Variants in ADAMTSL3 observed in about 807,000 individuals in gnomAD.
The protein encoded by ADAMTSL3 is ADAMTS like 3.
A neutral mutation model predicts 201.7 loss-of-function variants in ADAMTSL3; 128 were observed. The observed-to-expected ratio is 0.63, with a 90% CI of 0.55 to 0.73. ADAMTSL3 has a LOEUF of 0.73. Among genes scored for constraint, ADAMTSL3 ranks in the 30% least tolerant of loss-of-function variants. ADAMTSL3 has a pLI of 0.00. For missense variants in ADAMTSL3, 1,990 were observed against 2,119.6 expected (o/e 0.94, Z 1.20); for synonymous variants, 738 against 748.4 (o/e 0.99, Z 0.23).
chr15:83,872,229 C>T (rs1172635154), intron 9 of ADAMTSL3, among the ~76,000 whole-genome samples: 5 of 151,572 alleles, frequency 3.3e-5, no homozygotes, highest in Non-Finnish European at 5.9e-5. Context: ...TTGCATTTTA[C>T]AATAGCAATA....
At chr15:83,903,521 TGGCAGGGGAGTG>T (rs1246928408) in intron 15 of ADAMTSL3, among the ~76,000 whole-genome samples, 3 of 152,176 alleles carry the variant, frequency 2.0e-5, no homozygotes, top group Admixed American at 6.5e-5. Flanking sequence ...CAGGTAACTT[TGGCAGGGGAGTG>T]GGCATATCCA....
In ADAMTSL3 at chr15:83,819,973, C is replaced by G; in HGVS notation, c.526C>G (p.Leu176Val). 6.2e-7 allele frequency: 1 copy of G among 1,614,126 alleles called. No homozygotes were observed. The highest frequency in any genetic ancestry group is 1.3e-5 in the African/African-American group (1 of 75,012). ...HAQGQNLVVE[L>V]APKVLDGTRC... ...ACAAGGACAAAACTTGGTGGTGGAG[C>G]TGGCACCTAAGGTACTGGATGGAAC... Residue 176 changes from leucine to valine, a missense_variant, in exon 6 of 30, where the codon CTG (leucine) becomes GTG (valine). Transcript: ENST00000286744.
chr15:83,723,840 A>G (rs188775478), intron 3 of ADAMTSL3, among the ~76,000 whole-genome samples: 1 of 152,294 alleles, frequency 6.6e-6, no homozygotes, highest in African/African-American at 2.4e-5. Flanking sequence ...AAATGAGCAT[A>G]TAATACTTTG....
At chr15:83,773,405 A>T in intron 3 of ADAMTSL3, 118 bp from the exon 4 acceptor site, 1 of 1,166,276 alleles carries the variant, frequency 8.6e-7, no homozygotes, top group Non-Finnish European at 1.2e-6. Flanking sequence ...GCTCTGTCTC[A>T]ATTAAAAAAA....
intron 13 of ADAMTSL3, 50 bp from the exon 14 acceptor site, chr15:83,897,808 T>C: frequency 6.5e-7 from 1 of 1,531,060 alleles, no homozygotes; most frequent in Non-Finnish European, 8.8e-7. Context: ...AATAATGCCT[T>C]TGTGGTTCTC....
intron 3 of ADAMTSL3, among the ~76,000 whole-genome samples, chr15:83,742,597 C>T (rs57921785): frequency 0.12 from 17,608 of 152,118 alleles, 1,149 homozygotes; most frequent in East Asian, 0.28. Flanking sequence ...TGAGGAAATA[C>T]AGGTTCACAA....
chr15:83,912,241 C>T (rs932403343), intron 15 of ADAMTSL3, among the ~76,000 whole-genome samples: 14 of 152,144 alleles, frequency 9.2e-5, no homozygotes, highest in Non-Finnish European at 1.3e-4. Flanking sequence ...ATATTCAGTT[C>T]TGTTGTAGCA....
chr15:83,842,058 C>T (rs1345139319), intron 7 of ADAMTSL3, among the ~76,000 whole-genome samples: 2 of 151,470 alleles, frequency 1.3e-5, no homozygotes, highest in Non-Finnish European at 2.9e-5. Context: ...CCCCATCCCC[C>T]TTCTGCCTTC....
intron 16 of ADAMTSL3, among the ~76,000 whole-genome samples, chr15:83,923,617 G>A (rs890597959): frequency 2.6e-5 from 4 of 152,208 alleles, no homozygotes; most frequent in African/African-American, 9.6e-5. Flanking sequence ...AAGTCCAAGG[G>A]TGGATGGGGA....
chr15:83,734,010 G>A (rs1315372364), intron 3 of ADAMTSL3, among the ~76,000 whole-genome samples: 1 of 152,116 alleles, frequency 6.6e-6, no homozygotes, highest in Non-Finnish European at 1.5e-5. Flanking sequence ...AGACAGGAGG[G>A]AAGCGTGGTG....
intron 16 of ADAMTSL3, 111 bp downstream of exon 16, chr15:83,913,489 G>T (rs2065972691): frequency 3.7e-6 from 4 of 1,084,148 alleles, no homozygotes; most frequent in Non-Finnish European, 5.2e-6. Context: ...TAAAGGAGGT[G>T]AAGTCATTCA....
intron 2 of ADAMTSL3, among the ~76,000 whole-genome samples, chr15:83,675,567 G>T (rs1215530445): frequency 6.7e-6 from 1 of 149,100 alleles, no homozygotes; most frequent in Non-Finnish European, 1.5e-5. Flanking sequence ...ATTCATGAGA[G>T]ATATTCACGT....
chr15:83,787,381 G>T (rs529602628), intron 4 of ADAMTSL3, among the ~76,000 whole-genome samples: 1 of 152,264 alleles, frequency 6.6e-6, no homozygotes, highest in Admixed American at 6.5e-5. Context: ...ATAGAGAAAT[G>T]AAGTAATGTA....
chr15:83,899,523 C>T, intron 14 of ADAMTSL3, 124 bp from the exon 15 acceptor site: 1 of 879,038 alleles, frequency 1.1e-6, no homozygotes, highest in African/African-American at 1.7e-5. Flanking sequence ...TACTAAGGAA[C>T]TCAACTTGCA....
chr15:84,027,407 A>G (rs2068330213), intron 27 of ADAMTSL3, among the ~76,000 whole-genome samples: 1 of 152,242 alleles, frequency 6.6e-6, no homozygotes, highest in South Asian at 2.1e-4. Flanking sequence ...TTCAGGATCT[A>G]TATCCTAGGG....
In ADAMTSL3 at chr15:83,848,855, C is replaced by T. The variant is rs189867119; in HGVS notation, c.728-9911C>T. Among the ~76,000 whole-genome samples the T allele has an allele frequency of 3.2e-3, 481 of 152,280 alleles. 1 individual carries two copies. Among genetic ancestry groups the T allele is most frequent in the Non-Finnish European group, 4.7e-3 (321 of 68,018 alleles). On this transcript the variant is annotated intron_variant, in intron 7 of 29. Transcript: ENST00000286744. ...TTAATAATAACTTATACTTACCCAA[C>T]GCCTAATTGGCACCAGGTTCTTTTC...
intron 2 of ADAMTSL3, 107 bp from the exon 3 acceptor site, chr15:83,704,282 G>T: frequency 1.0e-5 from 15 of 1,507,274 alleles, no homozygotes; most frequent in Admixed American, 9.8e-5. Flanking sequence ...TTTGTTTCTT[G>T]GTACAGCTAT....
intron 2 of ADAMTSL3, among the ~76,000 whole-genome samples, chr15:83,702,572 G>A (rs1184967449): frequency 6.6e-6 from 1 of 152,208 alleles, no homozygotes; most frequent in East Asian, 1.9e-4. Context: ...ATGGCTGAAA[G>A]GGGCCAATGT....
chr15:83,946,302 A>G (rs775458079), intron 19 of ADAMTSL3, among the ~76,000 whole-genome samples: 1 of 152,204 alleles, frequency 6.6e-6, no homozygotes, highest in Non-Finnish European at 1.5e-5. Flanking sequence ...GTTGCGTATC[A>G]CTAAAGTAAC....
Sources: allele counts gnomAD v4.1 joint callset (sites outside exome capture counted in the v4.1 genomes callset), GRCh38; gene constraint gnomAD v4.1.1; transcripts MANE v1.5; gene names NCBI Gene and HGNC (gene_info 2026-07-23, HGNC 2026-07-21).